Variants in RSPO2 observed in about 807,000 individuals in gnomAD.
RSPO2 encodes the protein R-spondin-2.
A neutral mutation model predicts 30.9 loss-of-function variants in RSPO2; 14 were observed. That is an observed-to-expected ratio of 0.45 (90% CI 0.30 to 0.71). The LOEUF is 0.71. Ranked by LOEUF, RSPO2 falls within the 30% of genes least tolerant of loss-of-function variation. The probability of loss-of-function intolerance (pLI) is 0.08; values close to 1 mark genes in which losing one functional copy is unlikely to be tolerated. For synonymous variants in RSPO2, 107 were observed against 96.4 expected (o/e 1.11, Z -0.64); for missense variants, 264 against 301.9 (o/e 0.87, Z 0.93).
chr8:108,008,173 G>A (rs551205350), intron 2 of RSPO2, among the ~76,000 whole-genome samples: 45 of 152,182 alleles, frequency 3.0e-4, no homozygotes, highest in Non-Finnish European at 4.9e-4. Context: ...ATATGTTTAC[G>A]CACTACAGAG....
At chr8:107,993,167 G>A (rs557799080) in intron 2 of RSPO2, among the ~76,000 whole-genome samples, 3 of 152,172 alleles carry the variant, frequency 2.0e-5, no homozygotes, top group East Asian at 1.9e-4. Flanking sequence ...CAGAGTTTCC[G>A]CATTATCAGT....
intron 2 of RSPO2, among the ~76,000 whole-genome samples, chr8:108,017,256 A>G (rs1810920898): frequency 6.6e-6 from 1 of 152,066 alleles, no homozygotes; most frequent in Non-Finnish European, 1.5e-5. Context: ...TGACCTCGTG[A>G]TCTGCCTGCC....
chr8:107,967,512 A>G (rs1362697610), intron 3 of RSPO2, among the ~76,000 whole-genome samples: 1 of 152,184 alleles, frequency 6.6e-6, no homozygotes, highest in Non-Finnish European at 1.5e-5. Flanking sequence ...AGCTCATTAG[A>G]ACTTCATTAT....
chr8:108,054,392 G>A (rs1043227854), intron 2 of RSPO2, among the ~76,000 whole-genome samples: 1 of 152,106 alleles, frequency 6.6e-6, no homozygotes, highest in African/African-American at 2.4e-5. Context: ...TAGATCCCCT[G>A]CACCAAGGTG....
At chr8:108,009,351 A>T (rs1342742298) in intron 2 of RSPO2, among the ~76,000 whole-genome samples, 1 of 152,204 alleles carries the variant, frequency 6.6e-6, no homozygotes, top group Non-Finnish European at 1.5e-5. Context: ...TAGTGAAAGG[A>T]CAGTAAACAG....
chr8:107,945,848 T>C (rs1330293244), intron 5 of RSPO2, among the ~76,000 whole-genome samples: 1 of 152,192 alleles, frequency 6.6e-6, no homozygotes, highest in African/African-American at 2.4e-5. Flanking sequence ...CCTATGCTAA[T>C]CAGGAGGCTC....
intron 2 of RSPO2, among the ~76,000 whole-genome samples, chr8:108,030,935 G>A (rs982959401): frequency 7.2e-5 from 11 of 152,082 alleles, no homozygotes; most frequent in African/African-American, 2.4e-4. Flanking sequence ...AAGGCTGTCC[G>A]AGGTCCCTGA....
intron 2 of RSPO2, among the ~76,000 whole-genome samples, chr8:108,022,863 T>G (rs1811096320): frequency 6.6e-6 from 1 of 150,612 alleles, no homozygotes; most frequent in African/African-American, 2.5e-5. Context: ...AGGCAGAGGT[T>G]GCTGTGAGCT....
At chr8:107,967,047 G>A (rs1813830149) in intron 3 of RSPO2, among the ~76,000 whole-genome samples, 1 of 152,106 alleles carries the variant, frequency 6.6e-6, no homozygotes, top group Non-Finnish European at 1.5e-5. Context: ...TCAGAATGTG[G>A]CAGTCAATGA....
chr8:108,076,577 T>C (rs750766502), intron 2 of RSPO2, among the ~76,000 whole-genome samples: 2 of 152,100 alleles, frequency 1.3e-5, no homozygotes, highest in Non-Finnish European at 2.9e-5. Flanking sequence ...TCAAAGACTA[T>C]AGCGAGGCTC....
chr8:107,933,070 C>T (rs1812599247), intron 5 of RSPO2, among the ~76,000 whole-genome samples: 1 of 152,112 alleles, frequency 6.6e-6, no homozygotes. Flanking sequence ...ACCAAAACAC[C>T]AGCCTATCTT....
intron 5 of RSPO2, among the ~76,000 whole-genome samples, chr8:107,951,043 G>GTTTTTTTTTTTTTTTT (rs767290459): frequency 9.3e-5 from 8 of 85,896 alleles, no homozygotes; most frequent in East Asian, 5.1e-4. Flanking sequence ...GGGAGAATAA[G>GTTTTTTTTTTTTTTTT]TTTTTTTTTG....
chr8:107,931,101 T>G (rs915702401), intron 5 of RSPO2, among the ~76,000 whole-genome samples: 1 of 152,134 alleles, frequency 6.6e-6, no homozygotes, highest in African/African-American at 2.4e-5. Context: ...TGATAGGAAA[T>G]TAAGCCAATT....
At chr8:108,034,595 C>T (rs564756769) in intron 2 of RSPO2, among the ~76,000 whole-genome samples, 1 of 152,248 alleles carries the variant, frequency 6.6e-6, no homozygotes, top group Admixed American at 6.5e-5. Context: ...GAGGTATCTC[C>T]TATTTGTGGT....
At chr8:107,928,547 T>A (rs1268449594) in intron 5 of RSPO2, among the ~76,000 whole-genome samples, 2 of 152,182 alleles carry the variant, frequency 1.3e-5, no homozygotes, top group African/African-American at 4.8e-5. Context: ...GAAATGCCAT[T>A]CCAAATTTTG....
chr8:108,003,237 ATATG>A (rs952971628), intron 2 of RSPO2, among the ~76,000 whole-genome samples: 974 of 46,918 alleles, frequency 0.021, 6 homozygotes, highest in Middle Eastern at 0.026. Flanking sequence ...GTGTGTGTAT[ATATG>A]TATGTATGTA....
At chr8:107,983,144 T>C (rs1005189392) in intron 3 of RSPO2, 3 of 1,495,580 alleles carry the variant, frequency 2.0e-6, no homozygotes, top group African/African-American at 1.4e-5. Context: ...CCCCTCAACC[T>C]GGCTCATCAA....
chr8:108,035,802 T>C (rs1411936922), intron 2 of RSPO2, among the ~76,000 whole-genome samples: 3 of 152,164 alleles, frequency 2.0e-5, no homozygotes, highest in Non-Finnish European at 2.9e-5. Context: ...AATCTGAGAT[T>C]GCCCCAGAAG....
chr8:108,045,991 A>G (rs1035106131), intron 2 of RSPO2, among the ~76,000 whole-genome samples: 3 of 152,190 alleles, frequency 2.0e-5, no homozygotes, highest in African/African-American at 7.2e-5. Context: ...TCAGGCATAC[A>G]TAAGTAAATA....
Sources: allele counts gnomAD v4.1 joint callset (sites outside exome capture counted in the v4.1 genomes callset), GRCh38; gene constraint gnomAD v4.1.1; transcripts MANE v1.5; gene names NCBI Gene and HGNC (gene_info 2026-07-23, HGNC 2026-07-21).